CSMD1: variants seen among roughly 807,000 people sequenced by gnomAD.
CSMD1 encodes the protein CUB and sushi domain-containing protein 1.
A neutral mutation model predicts 417.5 loss-of-function variants in CSMD1; 213 were observed. The observed-to-expected ratio is 0.51, with a 90% CI of 0.46 to 0.57. The LOEUF is 0.57. CSMD1 is among the 20% of genes least tolerant of loss of function. CSMD1 has a pLI of 0.00. For synonymous variants in CSMD1, 2,862 were observed against 1,736.8 expected, an observed-to-expected ratio of 1.65 and a Z score of -16.11; for missense variants, 6,923 against 4,529.7, an observed-to-expected ratio of 1.53 and a Z score of -15.17.
At chr8:4,700,351 T>C (rs1027593787) in intron 1 of CSMD1, among the ~76,000 whole-genome samples, 4 of 151,918 alleles carry the variant, frequency 2.6e-5, no homozygotes, top group Admixed American at 2.0e-4. Context: ...ATAATACATA[T>C]TATAAAAATA....
intron 3 of CSMD1, among the ~76,000 whole-genome samples, chr8:4,323,520 C>T (rs1457117832): frequency 6.6e-6 from 1 of 152,020 alleles, no homozygotes; most frequent in Admixed American, 6.6e-5. Flanking sequence ...TGTTGCCTGG[C>T]ATAAGGATCC....
At chr8:3,901,318 C>T (rs1297953304) in intron 5 of CSMD1, among the ~76,000 whole-genome samples, 1 of 152,138 alleles carries the variant, frequency 6.6e-6, no homozygotes, top group East Asian at 1.9e-4. Flanking sequence ...GACACTCTTG[C>T]TAGCTTCAAC....
chr8:3,032,223 T>A (rs190159127), intron 50 of CSMD1, among the ~76,000 whole-genome samples: 1 of 152,080 alleles, frequency 6.6e-6, no homozygotes, highest in African/African-American at 2.4e-5. Context: ...TATCATTTTA[T>A]TTAATATTTT....
At chr8:3,939,624 C>G (rs1297651705) in intron 5 of CSMD1, among the ~76,000 whole-genome samples, 1 of 152,110 alleles carries the variant, frequency 6.6e-6, no homozygotes, top group Non-Finnish European at 1.5e-5. Context: ...TGAAAGTGAT[C>G]ATCAGCCAAT....
At chr8:4,192,748 C>G (rs1264944680) in intron 3 of CSMD1, among the ~76,000 whole-genome samples, 2 of 152,196 alleles carry the variant, frequency 1.3e-5, no homozygotes, top group African/African-American at 2.4e-5. Flanking sequence ...ACTTTAGTGA[C>G]TTCTATCATT....
At chr8:3,769,279 T>C (rs1352612276) in intron 5 of CSMD1, among the ~76,000 whole-genome samples, 1 of 152,146 alleles carries the variant, frequency 6.6e-6, no homozygotes, top group Admixed American at 6.5e-5. Flanking sequence ...AGTAACAAAC[T>C]ATAGCTAAAT....
Position 3,867,889 on chromosome 8 carries a change from C to T in CSMD1, c.819-113847G>A, listed in dbSNP as rs1466842471. 2.6e-5 allele frequency among the ~76,000 whole-genome samples: 4 copies of T among 152,122 alleles called. No homozygotes were observed. The East Asian group carries it at 7.8e-4, about 30-fold the overall frequency. On this transcript the variant is annotated intron_variant, in intron 5 of 69. Coordinates refer to ENST00000635120, the MANE Select transcript of CSMD1 (RefSeq NM_033225.6). ...ACTGGCCAGATCTTCCTGAACCGTTCCCAAGACTCTGTGTCACCTCCGCCT... is the reference window on the plus strand; with the variant it reads ...ACTGGCCAGATCTTCCTGAACCGTTTCCAAGACTCTGTGTCACCTCCGCCT...
intron 3 of CSMD1, among the ~76,000 whole-genome samples, chr8:4,348,985 G>T (rs937873714): frequency 1.3e-5 from 2 of 152,042 alleles, no homozygotes; most frequent in Admixed American, 6.6e-5. Flanking sequence ...GCAAAAACAG[G>T]ACAAACTGAA....
intron 3 of CSMD1, among the ~76,000 whole-genome samples, chr8:4,357,609 T>A (rs1801503836): frequency 6.6e-6 from 1 of 152,082 alleles, no homozygotes; most frequent in East Asian, 1.9e-4. Context: ...AGGATACAAA[T>A]AAATAGCATG....
intron 1 of CSMD1, among the ~76,000 whole-genome samples, chr8:4,954,485 C>G (rs999359114): frequency 6.6e-6 from 1 of 152,044 alleles, no homozygotes; most frequent in Admixed American, 6.6e-5. Flanking sequence ...AAATTGATCA[C>G]GTGGCACAAC....
At chr8:3,898,568 G>T (rs1403611754) in intron 5 of CSMD1, among the ~76,000 whole-genome samples, 2 of 152,136 alleles carry the variant, frequency 1.3e-5, no homozygotes, top group Non-Finnish European at 2.9e-5. Context: ...TCCTGTAATG[G>T]AATATGAAGA....
chr8:4,442,460 A>G (rs1244040451), intron 2 of CSMD1, among the ~76,000 whole-genome samples: 1 of 152,168 alleles, frequency 6.6e-6, no homozygotes, highest in Admixed American at 6.5e-5. Context: ...ATCTACTTAC[A>G]TGCTTATCTA....
chr8:3,928,168 G>A (rs1180010056), intron 5 of CSMD1, among the ~76,000 whole-genome samples: 1 of 152,034 alleles, frequency 6.6e-6, no homozygotes, highest in African/African-American at 2.4e-5. Flanking sequence ...TTTCAATGAA[G>A]CAGCTCAGAA....
intron 5 of CSMD1, among the ~76,000 whole-genome samples, chr8:3,763,720 G>C (rs1034292575): frequency 6.6e-6 from 1 of 152,126 alleles, no homozygotes; most frequent in Non-Finnish European, 1.5e-5. Flanking sequence ...GATAAACCCT[G>C]TACCTTTGTA....
chr8:4,928,435 T>C (rs1807020901), intron 1 of CSMD1, among the ~76,000 whole-genome samples: 1 of 152,200 alleles, frequency 6.6e-6, no homozygotes. Flanking sequence ...CGATAACTAC[T>C]AACATTGTTC....
At chr8:3,599,235 T>C (rs1434262085) in intron 8 of CSMD1, among the ~76,000 whole-genome samples, 1 of 151,564 alleles carries the variant, frequency 6.6e-6, no homozygotes, top group East Asian at 1.9e-4. Context: ...CAAAGTGAAA[T>C]GATTACTGCA....
intron 5 of CSMD1, among the ~76,000 whole-genome samples, chr8:3,941,588 A>G (rs749981544): frequency 6.6e-5 from 10 of 152,186 alleles, no homozygotes; most frequent in Non-Finnish European, 1.2e-4. Context: ...ACACATTTCT[A>G]TTAATAATAA....
At position 3,188,955 on chromosome 8, in the gene CSMD1, G is replaced by C. The variant is rs1439785467; in HGVS notation, c.5455C>G (p.Pro1819Ala). Residue 1819 changes from proline to alanine, a missense_variant, in exon 35 of 70, where the codon CCT becomes GCT. Coordinates refer to ENST00000635120, the MANE Select transcript of CSMD1 (RefSeq NM_033225.6). ...RRGTILSPGY[P>A]EPYGNNLNCI... ...TTCAAGTTGTTTCCGTATGGCTCAG[G>C]GTAGCCGGGGGACAGGATTGTACCT... 3.7e-6 allele frequency: 6 copies of C among 1,612,956 alleles called. No homozygotes were observed. In the African/African-American group the frequency reaches 5.3e-5, roughly 14 times the overall value.
At chr8:3,462,175 G>T (rs574411883) in intron 12 of CSMD1, among the ~76,000 whole-genome samples, 4 of 152,002 alleles carry the variant, frequency 2.6e-5, no homozygotes, top group Admixed American at 6.6e-5. Context: ...TTCTTTTCAG[G>T]AATCATCCCA....
Sources: gnomAD v4.1 joint callset for allele counts (sites outside exome capture counted in the v4.1 genomes callset) on GRCh38, gnomAD v4.1.1 for gene constraint, MANE v1.5 for transcripts, NCBI Gene and HGNC (gene_info 2026-07-23, HGNC 2026-07-21) for gene names.